Variants in DPYD observed in about 807,000 individuals in gnomAD.
DPYD encodes dihydropyrimidine dehydrogenase.
A neutral mutation model predicts 116.2 loss-of-function variants in DPYD; 109 were observed. The observed-to-expected ratio is 0.94, with a 90% CI of 0.80 to 1.10. The LOEUF is 1.10. Ranked by LOEUF, DPYD falls within the 50% of genes least tolerant of loss-of-function variation. DPYD has a pLI of 0.00. For synonymous variants in DPYD, 440 were observed against 432.0 expected, an observed-to-expected ratio of 1.02 and a Z score of -0.23; for missense variants, 1,302 against 1,254.5, an observed-to-expected ratio of 1.04 and a Z score of -0.57.
rs149643608 is a variant in DPYD, at chr1:97,284,581, T to C, written c.2299+20678A>G. On this transcript the variant is annotated intron_variant, in intron 18 of 22. Transcript: ENST00000370192. ...TTCCCAGCAATTAATATAAAATTAA[T>C]TGCTAGTCAATTTTTTAAAGCATCA... Among the ~76,000 whole-genome samples the C allele has an allele frequency of 7.7e-3, 1,171 of 152,230 alleles. 16 individuals carry two copies. Among genetic ancestry groups the C allele is most frequent in the African/African-American group, 0.027 (1,114 of 41,554 alleles).
chr1:97,243,827 A>T (rs535506896), intron 18 of DPYD, among the ~76,000 whole-genome samples: 2 of 152,082 alleles, frequency 1.3e-5, no homozygotes, highest in African/African-American at 4.8e-5. Context: ...GTAATTACAT[A>T]ATGTAACAAT....
In DPYD at chr1:97,306,212, G is replaced by A; in HGVS notation, c.2144C>T (p.Thr715Ile). ...AGCTCTTGCGATGCTCACAATATCA[G>A]TGACATTTGGGGTCAGCTTGGCAAA... ...PFFAKLTPNV[T>I]DIVSIARAAK... Residue 715 changes from threonine (T) to isoleucine (I), a missense_variant, in exon 17 of 23, where the codon ACT becomes ATT. Transcript: ENST00000370192. The A allele has an allele frequency of 6.2e-7, 1 of 1,612,564 alleles. No homozygotes were observed. The highest frequency in any genetic ancestry group is 2.2e-5 in the East Asian group (1 of 44,818).
In DPYD at chr1:97,835,170, T is replaced by C. The variant is rs1262075661; in HGVS notation, c.151-6974A>G. 2.0e-5 allele frequency among the ~76,000 whole-genome samples: 3 copies of C among 152,166 alleles called. No homozygotes were observed. The East Asian group carries it at 5.8e-4, about 29-fold the overall frequency. ...AATGCAGTAGGAGAGGTAGGAGCTA[T>C]GCAGAGAGAAAATTTGTTTTTGAGT... On this transcript the variant is annotated intron_variant, in intron 2 of 22. Coordinates refer to ENST00000370192, the MANE Select transcript of DPYD (RefSeq NM_000110.4).
chr1:97,819,319 A>G (rs545875274), intron 3 of DPYD, among the ~76,000 whole-genome samples: 1 of 152,102 alleles, frequency 6.6e-6, no homozygotes, highest in African/African-American at 2.4e-5. Flanking sequence ...ATAGAATTTT[A>G]GAAATGATTA....
intron 20 of DPYD, among the ~76,000 whole-genome samples, chr1:97,169,089 C>A (rs1305165250): frequency 6.6e-6 from 1 of 152,044 alleles, no homozygotes; most frequent in Non-Finnish European, 1.5e-5. Context: ...CTCAAGTGAT[C>A]CACCCACCTC....
intron 20 of DPYD, among the ~76,000 whole-genome samples, chr1:97,186,259 T>C (rs1488379689): frequency 6.6e-6 from 1 of 152,192 alleles, no homozygotes; most frequent in African/African-American, 2.4e-5. Context: ...TAGTATAAAA[T>C]TAAGGGGTAC....
At chr1:97,205,218 G>T (rs1659506441) in intron 19 of DPYD, among the ~76,000 whole-genome samples, 5 of 151,830 alleles carry the variant, frequency 3.3e-5, no homozygotes, top group Admixed American at 2.6e-4. Flanking sequence ...CCTTTCTATG[G>T]TTTTTGACAA....
intron 6 of DPYD, among the ~76,000 whole-genome samples, 160 bp from the exon 7 acceptor site, chr1:97,691,958 A>G (rs556018362): frequency 6.6e-6 from 1 of 152,324 alleles, no homozygotes; most frequent in South Asian, 2.1e-4. Flanking sequence ...GGACATCTAC[A>G]TTCTTATTGA....
chr1:97,206,672 A>G (rs1246240623), intron 19 of DPYD, among the ~76,000 whole-genome samples: 1 of 103,224 alleles, frequency 9.7e-6, no homozygotes, highest in Non-Finnish European at 1.8e-5. Flanking sequence ...ATATATATAT[A>G]TATATATATA....
chr1:97,688,398 A>G (rs758036247), intron 7 of DPYD, among the ~76,000 whole-genome samples: 35 of 152,040 alleles, frequency 2.3e-4, no homozygotes, highest in Non-Finnish European at 4.3e-4. Context: ...CAAAAACCTC[A>G]ATGAAGCAGA....
intron 21 of DPYD, among the ~76,000 whole-genome samples, chr1:97,095,169 T>C (rs1201190973): frequency 2.0e-5 from 3 of 152,162 alleles, no homozygotes; most frequent in Non-Finnish European, 4.4e-5. Flanking sequence ...ATGGCACAAA[T>C]AATTACTTAC....
At chr1:97,489,051 G>T (rs1678820000) in intron 13 of DPYD, among the ~76,000 whole-genome samples, 1 of 152,160 alleles carries the variant, frequency 6.6e-6, no homozygotes, top group African/African-American at 2.4e-5. Context: ...CCCGGGCTGA[G>T]CCCCAATTTG....
intron 16 of DPYD, among the ~76,000 whole-genome samples, chr1:97,345,059 T>C (rs1296813879): frequency 6.6e-6 from 1 of 152,092 alleles, no homozygotes; most frequent in South Asian, 2.1e-4. Context: ...CGTATTTCCA[T>C]TCTGACCAGC....
intron 13 of DPYD, among the ~76,000 whole-genome samples, chr1:97,470,611 G>A (rs186595318): frequency 5.9e-5 from 9 of 152,294 alleles, no homozygotes; most frequent in Admixed American, 3.9e-4. Flanking sequence ...AGGATACTGG[G>A]AGAACTTTGA....
intron 3 of DPYD, among the ~76,000 whole-genome samples, chr1:97,805,764 C>T (rs144015998): frequency 0.018 from 2,679 of 151,630 alleles, 90 homozygotes; most frequent in African/African-American, 0.061. Context: ...ATCAGCAAAA[C>T]GTTTAATGAT....
intron 3 of DPYD, among the ~76,000 whole-genome samples, chr1:97,811,843 T>A (rs1420011482): frequency 1.3e-5 from 2 of 151,990 alleles, no homozygotes; most frequent in Non-Finnish European, 2.9e-5. Context: ...CCTTTAATTA[T>A]CAATCACAGA....
intron 21 of DPYD, among the ~76,000 whole-genome samples, chr1:97,086,880 T>C (rs1211110959): frequency 6.6e-6 from 1 of 152,238 alleles, no homozygotes; most frequent in Non-Finnish European, 1.5e-5. Context: ...TCACTATGAC[T>C]TCTAACCCAA....
In DPYD at chr1:97,308,555, T is replaced by C. The variant is rs922780146; in HGVS notation, c.2059-2258A>G. On this transcript the variant is annotated intron_variant, in intron 16 of 22. Coordinates refer to ENST00000370192, the MANE Select transcript of DPYD (RefSeq NM_000110.4). ...ATAATAGAGAATATTCTAATACAAC[T>C]AGAAATGTGGTGAGGTCAATAACAT... 3 of 151,842 alleles carry C rather than the reference T, an allele frequency of 2.0e-5. No homozygotes were observed. The East Asian group carries it at 5.8e-4, about 30-fold the overall frequency. The allele number at this position is 151,842 out of a possible 1,614,324, so 9.4% of individuals were successfully genotyped here.
At chr1:97,606,179 T>C (rs1210195272) in intron 8 of DPYD, among the ~76,000 whole-genome samples, 2 of 152,076 alleles carry the variant, frequency 1.3e-5, no homozygotes, top group African/African-American at 4.8e-5. Flanking sequence ...TAGGTATTAA[T>C]TTAACCACTT....
Sources: gnomAD v4.1 joint callset for allele counts (sites outside exome capture counted in the v4.1 genomes callset) on GRCh38, gnomAD v4.1.1 for gene constraint, MANE v1.5 for transcripts, NCBI Gene and HGNC (gene_info 2026-07-23, HGNC 2026-07-21) for gene names.